Variants in MTHFD1L observed in about 807,000 individuals in gnomAD.
MTHFD1L encodes methylenetetrahydrofolate dehydrogenase (NADP+ dependent) 1 like.
In MTHFD1L, 81 loss-of-function variants were observed where a neutral mutation model predicts 119.5. The ratio of observed to expected loss-of-function variants is 0.68; its 90% CI spans 0.57 to 0.82. MTHFD1L has a LOEUF of 0.82. Ranked by LOEUF, MTHFD1L falls within the 40% of genes least tolerant of loss-of-function variation. The pLI, the probability that MTHFD1L is intolerant of heterozygous loss-of-function variation, is 0.00. For synonymous variants in MTHFD1L, 430 were observed against 475.2 expected (o/e 0.90, Z 1.24); for missense variants, 1,125 against 1,253.4 (o/e 0.90, Z 1.55).
At chr6:150,915,403 T>C (rs1163193554) in intron 8 of MTHFD1L, among the ~76,000 whole-genome samples, 2 of 152,150 alleles carry the variant, frequency 1.3e-5, no homozygotes, top group Non-Finnish European at 2.9e-5. Context: ...AGGAATCATA[T>C]AGCTTTTCAA....
chr6:150,982,074 A>G (rs1777579970), intron 20 of MTHFD1L, among the ~76,000 whole-genome samples: 1 of 152,180 alleles, frequency 6.6e-6, no homozygotes, highest in Non-Finnish European at 1.5e-5. Context: ...ACTATGGACA[A>G]CATGGTGAAA....
At chr6:150,976,537 A>G (rs528901318) in intron 20 of MTHFD1L, among the ~76,000 whole-genome samples, 5 of 152,334 alleles carry the variant, frequency 3.3e-5, no homozygotes, top group African/African-American at 1.2e-4. Flanking sequence ...CTGAAGTCTG[A>G]GCAGGAATTC....
intron 8 of MTHFD1L, among the ~76,000 whole-genome samples, chr6:150,906,183 T>C (rs923593630): frequency 6.6e-6 from 1 of 152,244 alleles, no homozygotes; most frequent in Non-Finnish European, 1.5e-5. Flanking sequence ...AGGATCAGCC[T>C]GTGTGTCTCC....
chr6:150,947,997 GTTTGTTT>G (rs564839520), intron 15 of MTHFD1L, among the ~76,000 whole-genome samples: 6 of 151,616 alleles, frequency 4.0e-5, no homozygotes, highest in African/African-American at 1.2e-4. Flanking sequence ...GTTTTTTTTT[GTTTGTTT>G]TTTGTTTTTT....
chr6:151,052,636 A>G (rs1441200123), intron 26 of MTHFD1L, among the ~76,000 whole-genome samples: 2 of 152,218 alleles, frequency 1.3e-5, no homozygotes, highest in Non-Finnish European at 2.9e-5. Context: ...CCCTGAAGGC[A>G]GTAGGGTAAG....
chr6:151,004,399 C>T (rs1042294680), intron 20 of MTHFD1L, among the ~76,000 whole-genome samples: 21 of 152,136 alleles, frequency 1.4e-4, no homozygotes, highest in African/African-American at 4.8e-4. Context: ...TGGGGACATA[C>T]AGAATAACTT....
intron 10 of MTHFD1L, among the ~76,000 whole-genome samples, chr6:150,923,553 T>C (rs9397368): frequency 1.2e-5 from 1 of 82,946 alleles, no homozygotes; most frequent in Non-Finnish European, 2.7e-5. Flanking sequence ...TCTTTTTTTT[T>C]TTTTTTTTTT....
At chr6:151,015,480 A>G in intron 23 of MTHFD1L, 36 bp from the exon 24 acceptor site, 1 of 1,580,974 alleles carries the variant, frequency 6.3e-7, no homozygotes, top group South Asian at 1.2e-5. Context: ...AGCTAAATGG[A>G]TACAGATGCA....
chr6:151,025,260 G>A (rs1428695965), intron 24 of MTHFD1L, among the ~76,000 whole-genome samples: 5 of 152,234 alleles, frequency 3.3e-5, no homozygotes, highest in East Asian at 1.9e-4. Context: ...GAGCAGGCTC[G>A]TGGACGTCGG....
chr6:150,963,234 G>T (rs1317284798), intron 18 of MTHFD1L, among the ~76,000 whole-genome samples: 3 of 152,104 alleles, frequency 2.0e-5, no homozygotes, highest in Non-Finnish European at 4.4e-5. Context: ...AGCTTTCAAA[G>T]TGAACCATCT....
At chr6:151,069,280 T>TCTCTCTCC (rs1465486987) in intron 26 of MTHFD1L, among the ~76,000 whole-genome samples, 6 of 147,962 alleles carry the variant, frequency 4.1e-5, no homozygotes, top group East Asian at 2.0e-4. Context: ...TCTCTCTCTC[T>TCTCTCTCC]CCCTCCCTCT....
rs1789089698 is a variant in MTHFD1L at position 150,922,270 on chromosome 6, C to G, written c.1050C>G (p.Cys350Trp). 1.9e-6 allele frequency: 3 copies of G among 1,614,050 alleles called. No homozygotes were observed. Among genetic ancestry groups the G allele is most frequent in the Non-Finnish European group, 2.5e-6 (3 of 1,179,940 alleles). ...AGCACAGGCGGTGGAGACTTCACTG[C>G]TTGAAACTTCAGCCTCTCTCCCCTG... is the stretch of plus-strand genomic sequence containing the variant. ...EQQHRRWRLHCLKLQPLSPVP... is the reference protein window; with the variant it reads ...EQQHRRWRLHWLKLQPLSPVP... Residue 350 changes from cysteine to tryptophan, a missense_variant, in exon 10 of 28, where the codon TGC becomes TGG. Coordinates refer to ENST00000367321, the MANE Select transcript of MTHFD1L (RefSeq NM_015440.5).
chr6:151,092,465 A>G lies in MTHFD1L; in HGVS notation c.2848-2A>G. On this transcript the variant is annotated splice_acceptor_variant, in intron 26 of 27. Transcript: ENST00000367321. LOFTEE classifies it high-confidence loss of function. ...TCTGTAACGCTTGGTTTTCTCCCCC[A>G]GATGAGCACCATGCCAGGACTGCCC... The G allele has an allele frequency of 6.2e-7, 1 of 1,609,426 alleles. No homozygotes were observed. The highest frequency in any genetic ancestry group is 8.5e-7 in the Non-Finnish European group (1 of 1,178,822).
rs1046109554 is a variant in MTHFD1L, at chr6:150,959,117, G to A, written c.1804-1158G>A. ...ACTTATGTTTGGAATGAGTTATATT[G>A]AGAATGTAATAATTGAATATAGTTG... On this transcript the variant is annotated intron_variant, in intron 17 of 27. Transcript: ENST00000367321. 6.9e-6 allele frequency: 6 copies of A among 864,512 alleles called. No individual in the cohort carries two copies. In the South Asian group the frequency reaches 2.1e-4, roughly 31 times the overall value. 53.6% of individuals were successfully genotyped at this position (864,512 alleles called of 1,614,324 possible). A position where few individuals can be genotyped will look rare whatever the true frequency, so the allele number is the denominator to read the frequency against.
At position 150,964,958 on chromosome 6, in the gene MTHFD1L, C is replaced by G. The variant is rs1046655877; in HGVS notation, c.1945-11C>G. On this transcript the variant is annotated splice_polypyrimidine_tract_variant and intron_variant, in intron 18 of 27. Coordinates refer to ENST00000367321, the MANE Select transcript of MTHFD1L (RefSeq NM_015440.5). ...TTTGTCAGGAATCTAATGTTTTTCT[C>G]TCTCCTGTAGGGGGTGACAGGTGCT... 6.2e-7 allele frequency: 1 copy of G among 1,612,800 alleles called. No individual in the cohort carries two copies. Among genetic ancestry groups the G allele is most frequent in the Non-Finnish European group, 8.5e-7 (1 of 1,178,968 alleles).
chr6:150,923,537 A>ATTTATTTATTTATTTATTTATTTAT (rs1254981530), intron 10 of MTHFD1L, among the ~76,000 whole-genome samples: 11 of 95,224 alleles, frequency 1.2e-4, no homozygotes, highest in African/African-American at 5.1e-4. Context: ...TTATTTATTT[A>ATTTATTTATTTATTTATTTATTTAT]TTTTTTCTTT....
chr6:150,936,994 T>C, intron 12 of MTHFD1L, 54 bp downstream of exon 12: 5 of 1,586,576 alleles, frequency 3.2e-6, no homozygotes, highest in Non-Finnish European at 4.3e-6. Flanking sequence ...GGGGAGAGAA[T>C]TGTAAAAAGA....
intron 4 of MTHFD1L, among the ~76,000 whole-genome samples, chr6:150,879,943 A>G (rs1482469176): frequency 6.6e-6 from 1 of 152,048 alleles, no homozygotes; most frequent in Non-Finnish European, 1.5e-5. Context: ...CACTGGTATT[A>G]ATAGCCCTTG....
At position 151,091,293 on chromosome 6, in the gene MTHFD1L, G is replaced by A. The variant is rs181113947; in HGVS notation, c.2848-1174G>A. ...TGCTCCATGTGACTGGGTGCATATTGCTCCATGGGCATGGTTTGTATGAAA... is the reference window on the plus strand; with the variant it reads ...TGCTCCATGTGACTGGGTGCATATTACTCCATGGGCATGGTTTGTATGAAA... On this transcript the variant is annotated intron_variant, in intron 26 of 27. Coordinates refer to ENST00000367321, the MANE Select transcript of MTHFD1L (RefSeq NM_015440.5). 1.7e-3 allele frequency among the ~76,000 whole-genome samples: 130 copies of A among 76,870 alleles called. 2 individuals carry two copies. The highest frequency in any genetic ancestry group is 5.7e-3 in the African/African-American group (124 of 21,804). The allele number at this position is 76,870 out of a possible 152,430, so 50.4% of individuals were successfully genotyped here.
Sources: allele counts gnomAD v4.1 joint callset (sites outside exome capture counted in the v4.1 genomes callset), GRCh38; gene constraint gnomAD v4.1.1; transcripts MANE v1.5; gene names NCBI Gene and HGNC (gene_info 2026-07-23, HGNC 2026-07-21).